Variants in CEP63 observed in about 807,000 individuals in gnomAD.
CEP63 encodes centrosomal protein 63.
In CEP63, 84 loss-of-function variants were observed where a neutral mutation model predicts 89.1. The ratio of observed to expected loss-of-function variants is 0.94; its 90% CI spans 0.79 to 1.13. The LOEUF (loss-of-function observed/expected upper bound fraction) is 1.13, where lower values mean the gene tolerates loss of function less well. CEP63 is among the 50% of genes most tolerant of loss of function. The pLI is 0.00. For synonymous variants in CEP63, 267 were observed against 272.5 expected, an observed-to-expected ratio of 0.98 and a Z score of 0.20; for missense variants, 838 against 813.3, an observed-to-expected ratio of 1.03 and a Z score of -0.37.
the CEP63 span, among the ~76,000 whole-genome samples, chr3:134,652,591 T>C: frequency 6.6e-6 from 1 of 151,744 alleles, no homozygotes; most frequent in African/African-American, 2.4e-5. Context: ...CCAAGGCAGG[T>C]TTCCTTCTGC....
chr3:134,775,311 G>A, the CEP63 span, among the ~76,000 whole-genome samples: 1 of 152,298 alleles, frequency 6.6e-6, no homozygotes, highest in Non-Finnish European at 1.5e-5. Flanking sequence ...CCTGGCTGGA[G>A]CCTCGCTTCA....
Position 134,558,308 on chromosome 3 carries a change from C to T in CEP63, c.1634C>T (p.Thr545Ile), listed in dbSNP as rs763087058. ...CAAAATGACAGGATCTTTAAACCAACACACAGCAGAACAACTGAGTTCAAG... is the reference window on the plus strand; with the variant it reads ...CAAAATGACAGGATCTTTAAACCAATACACAGCAGAACAACTGAGTTCAAG... ...KKQNDRIFKPTHSRTTEFKNT... is the reference protein window; with the variant it reads ...KKQNDRIFKPIHSRTTEFKNT... Residue 545 changes from threonine to isoleucine, a missense_variant, in exon 13 of 15, where the codon ACA becomes ATA. Thr to Ile is a moderately conservative substitution (Grantham distance 89). Coordinates refer to ENST00000675561, the MANE Select transcript of CEP63 (RefSeq NM_001353108.3). 1 of 1,613,780 alleles carries T rather than the reference C, an allele frequency of 6.2e-7. No homozygotes were observed. The highest frequency in any genetic ancestry group is 1.7e-5 in the Admixed American group (1 of 60,010).
the CEP63 span, among the ~76,000 whole-genome samples, chr3:134,749,904 G>A: frequency 2.0e-5 from 3 of 152,046 alleles, no homozygotes; most frequent in Non-Finnish European, 4.4e-5. Flanking sequence ...GGTAGAGCAG[G>A]TGCCTGAGTC....
At chr3:134,651,258 A>G in the CEP63 span, 1 of 1,215,910 alleles carries the variant, frequency 8.2e-7, no homozygotes, top group Non-Finnish European at 1.0e-6. Context: ...CGGCCGGTCC[A>G]GAGCCTCCCT....
the CEP63 span, among the ~76,000 whole-genome samples, chr3:134,705,062 A>C: frequency 6.6e-6 from 1 of 152,216 alleles, no homozygotes; most frequent in Non-Finnish European, 1.5e-5. Context: ...AAGCAAACAA[A>C]ATTAAACAAA....
the CEP63 span, chr3:134,608,303 C>A: frequency 8.1e-7 from 1 of 1,231,246 alleles, no homozygotes; most frequent in Non-Finnish European, 1.0e-6. Context: ...ACTCACCCAG[C>A]TAGGAAGTGC....
In CEP63 at chr3:134,545,709, A is replaced by G. The variant is rs1223024542; in HGVS notation, c.679A>G (p.Ile227Val). ...CACTATCTGTGCCAATGAGTTGGAA[A>G]TAGAGCGCCTCACCATGAGGGTCAA... ...NDTICANELE[I>V]ERLTMRVNDL... The change falls in exon 7 of 15, where the codon ATA becomes GTA. Residue 227 changes from isoleucine (I) to valine (V), a missense_variant. Coordinates refer to ENST00000675561, the MANE Select transcript of CEP63 (RefSeq NM_001353108.3). The G allele has an allele frequency of 6.2e-7, 1 of 1,614,172 alleles. No individual in the cohort carries two copies. The highest frequency in any genetic ancestry group is 1.7e-5 in the Admixed American group (1 of 60,024).
intron 12 of CEP63, among the ~76,000 whole-genome samples, chr3:134,556,832 T>C (rs1036069092): frequency 7.2e-5 from 11 of 152,180 alleles, no homozygotes; most frequent in Admixed American, 1.3e-4. Flanking sequence ...TAATTGTTTA[T>C]AAAATAATAA....
intron 6 of CEP63, among the ~76,000 whole-genome samples, chr3:134,538,290 G>C (rs1052242209): frequency 3.5e-4 from 42 of 118,816 alleles, no homozygotes; most frequent in African/African-American, 1.4e-3. Flanking sequence ...TTAACTTTTT[G>C]TTCGTCTCCC....
the CEP63 span, among the ~76,000 whole-genome samples, chr3:134,605,124 C>A: frequency 1.3e-5 from 2 of 152,030 alleles, no homozygotes; most frequent in Non-Finnish European, 2.9e-5. Context: ...ACACTGCCAC[C>A]CCCCATCTCT....
chr3:134,614,612 G>T, the CEP63 span, among the ~76,000 whole-genome samples: 4 of 152,018 alleles, frequency 2.6e-5, no homozygotes, highest in Non-Finnish European at 5.9e-5. Context: ...CATTACCTGG[G>T]TTACCCTTGA....
rs893018219 is a variant in CEP63, at chr3:134,532,904, T to C, written c.441+4T>C. On this transcript the variant is annotated splice_donor_region_variant and intron_variant, in intron 5 of 14. Coordinates refer to ENST00000675561, the MANE Select transcript of CEP63 (RefSeq NM_001353108.3). ...GAGGTTAACTGCAAAAATAGAGGTA[T>C]GTTCATAGTAATAATTTGTTCATAG... 6.2e-7 allele frequency: 1 copy of C among 1,613,386 alleles called. No homozygotes were observed. Among genetic ancestry groups the C allele is most frequent in the South Asian group, 1.1e-5 (1 of 91,064 alleles).
downstream of CEP63, among the ~76,000 whole-genome samples, chr3:134,575,216 T>A (rs1577505267): frequency 1.1e-4 from 1 of 9,120 alleles, no homozygotes; most frequent in Non-Finnish European, 2.4e-4. Flanking sequence ...CCTCCCTCCC[T>A]CCCTCCCTCC....
At chr3:134,615,081 G>C in the CEP63 span, 2 of 152,198 alleles carry the variant, frequency 1.3e-5, no homozygotes, top group African/African-American at 4.8e-5. Flanking sequence ...TAATCTGACA[G>C]TGTGTTTATA....
At chr3:134,538,007 T>G (rs1951119367) in intron 6 of CEP63, among the ~76,000 whole-genome samples, 1 of 152,172 alleles carries the variant, frequency 6.6e-6, no homozygotes, top group Admixed American at 6.5e-5. Flanking sequence ...TCATTCCTTT[T>G]TCAGTTAGAA....
the CEP63 span, among the ~76,000 whole-genome samples, chr3:134,679,381 C>T: frequency 6.6e-6 from 1 of 152,148 alleles, no homozygotes; most frequent in African/African-American, 2.4e-5. Flanking sequence ...AGCATCTGAA[C>T]AATATCTGGC....
the CEP63 span, among the ~76,000 whole-genome samples, chr3:134,653,641 AT>A: frequency 1.3e-5 from 2 of 152,214 alleles, no homozygotes. Context: ...GGCTGAAGGC[AT>A]TTGGATGTAT....
At chr3:134,554,210 T>C (rs1022795333) in intron 12 of CEP63, among the ~76,000 whole-genome samples, 6 of 151,692 alleles carry the variant, frequency 4.0e-5, no homozygotes, top group African/African-American at 1.5e-4. Context: ...ATTAGGTATA[T>C]CTCCCAATGC....
the CEP63 span, among the ~76,000 whole-genome samples, chr3:134,705,594 C>T: frequency 4.6e-5 from 7 of 152,204 alleles, no homozygotes; most frequent in Non-Finnish European, 7.3e-5. Flanking sequence ...TGTGCAGGGT[C>T]TCAATACAGC....
Sources: allele counts gnomAD v4.1 joint callset (sites outside exome capture counted in the v4.1 genomes callset), GRCh38; gene constraint gnomAD v4.1.1; transcripts MANE v1.5; gene names NCBI Gene and HGNC (gene_info 2026-07-23, HGNC 2026-07-21).